SAMMSON: variants seen among roughly 807,000 people sequenced by gnomAD.
The protein encoded by SAMMSON is survival associated mitochondrial melanoma specific oncogenic non-coding RNA.
chr3:70,140,373 G>C (rs578060983), intron 4 of SAMMSON: 2 of 209,302 alleles, frequency 9.6e-6, no homozygotes, highest in East Asian at 2.3e-4. Flanking sequence ...CTAGAGCTCT[G>C]TGATGAGTGT....
chr3:70,272,330 A>G (rs990664856), intron 6 of SAMMSON: 2 of 152,154 alleles, frequency 1.3e-5, no homozygotes, highest in Non-Finnish European at 1.5e-5. Flanking sequence ...TTCTGCTACT[A>G]TAGATTAAAT....
intron 2 of SAMMSON, among the ~76,000 whole-genome samples, chr3:70,427,737 CAAAA>C (rs34837077): frequency 9.7e-6 from 1 of 102,918 alleles, no homozygotes. Context: ...AACTCCGTCT[CAAAA>C]AAAAAAAAAA....
chr3:70,189,537 C>T (rs749089617), intron 4 of SAMMSON, among the ~76,000 whole-genome samples: 6 of 152,156 alleles, frequency 3.9e-5, no homozygotes, highest in Non-Finnish European at 8.8e-5. Flanking sequence ...GGGTTTTGCA[C>T]TTCGCCCAAC....
chr3:70,108,320 A>C (rs1164496556), intron 4 of SAMMSON, among the ~76,000 whole-genome samples: 1 of 151,782 alleles, frequency 6.6e-6, no homozygotes, highest in African/African-American at 2.4e-5. Context: ...TGAATTGCAG[A>C]AGGCTAGGTT....
intron 9 of SAMMSON, among the ~76,000 whole-genome samples, chr3:70,388,036 A>T (rs1252422241): frequency 6.6e-6 from 1 of 152,092 alleles, no homozygotes; most frequent in East Asian, 1.9e-4. Flanking sequence ...TGAAACAATG[A>T]TGTGATGAAC....
intron 3 of SAMMSON, among the ~76,000 whole-genome samples, chr3:70,020,166 C>T (rs955018749): frequency 7.2e-5 from 11 of 152,038 alleles, no homozygotes; most frequent in African/African-American, 2.7e-4. Flanking sequence ...TAGCCAAATC[C>T]CCACGTCAAT....
At chr3:70,147,534 AG>A (rs1195411693) in intron 4 of SAMMSON, among the ~76,000 whole-genome samples, 2 of 152,080 alleles carry the variant, frequency 1.3e-5, no homozygotes, top group African/African-American at 4.8e-5. Context: ...TTTTTTAAAA[AG>A]ATGAAGCAAT....
intron 4 of SAMMSON, among the ~76,000 whole-genome samples, chr3:70,224,724 T>A (rs1437585199): frequency 6.6e-6 from 1 of 152,104 alleles, no homozygotes; most frequent in Non-Finnish European, 1.5e-5. Flanking sequence ...TTGGTTTTTT[T>A]TTTAATTCAT....
intron 3 of SAMMSON, among the ~76,000 whole-genome samples, chr3:70,034,486 C>T (rs1259587914): frequency 2.0e-5 from 3 of 152,172 alleles, no homozygotes; most frequent in Non-Finnish European, 4.4e-5. Flanking sequence ...ATATACCCTC[C>T]AGCAGTTTGA....
intron 7 of SAMMSON, among the ~76,000 whole-genome samples, chr3:70,336,906 C>T (rs1045581526): frequency 6.8e-6 from 1 of 146,442 alleles, no homozygotes. Context: ...AGAGCTCCTA[C>T]CAGGGGTTCA....
Position 70,260,718 on chromosome 3 carries a change from T to C in SAMMSON, n.674+11048T>C, listed in dbSNP as rs1373159082. 2.0e-5 allele frequency among the ~76,000 whole-genome samples: 3 copies of C among 152,060 alleles called. No individual in the cohort carries two copies. In the East Asian group the frequency reaches 5.8e-4, roughly 29 times the overall value. ...CAGCACCTGGGATACCTATAACTTA[T>C]CCCTCCCCTTTCACTTTCAGATTTA... On this transcript the variant is annotated intron_variant and non_coding_transcript_variant, in intron 6 of 9. Coordinates refer to ENST00000642114, the Ensembl canonical transcript of SAMMSON.
chr3:70,117,372 A>C (rs562770182), intron 4 of SAMMSON, among the ~76,000 whole-genome samples: 1 of 152,244 alleles, frequency 6.6e-6, no homozygotes, highest in Non-Finnish European at 1.5e-5. Context: ...GAATGGAAAT[A>C]TGACATTCAT....
At position 70,318,611 on chromosome 3, in the gene SAMMSON, A is replaced by T. The variant is rs1009871508; in HGVS notation, n.739+27368A>T. 2.0e-5 allele frequency among the ~76,000 whole-genome samples: 3 copies of T among 151,876 alleles called. No homozygotes were observed. In the East Asian group the frequency reaches 5.8e-4, roughly 29 times the overall value. On this transcript the variant is annotated intron_variant and non_coding_transcript_variant, in intron 7 of 9. Transcript: ENST00000642114. ...AAAGTCACTTTCTGGCAACTCCAACATCTGGGTCTTCTATTGACTGCTTGT... is the reference window on the plus strand; with the variant it reads ...AAAGTCACTTTCTGGCAACTCCAACTTCTGGGTCTTCTATTGACTGCTTGT...
chr3:70,290,598 T>C (rs1325348760), intron 6 of SAMMSON, among the ~76,000 whole-genome samples: 2 of 152,148 alleles, frequency 1.3e-5, no homozygotes, highest in African/African-American at 4.8e-5. Flanking sequence ...CCAGTTCGAG[T>C]TTCCGGGCTG....
intron 3 of SAMMSON, among the ~76,000 whole-genome samples, chr3:70,025,476 C>T (rs1307829701): frequency 6.6e-6 from 1 of 152,146 alleles, no homozygotes; most frequent in African/African-American, 2.4e-5. Context: ...CTCCTGACCT[C>T]AGGTGATCCA....
intron 3 of SAMMSON, among the ~76,000 whole-genome samples, chr3:70,058,169 C>T (rs2067174765): frequency 6.6e-6 from 1 of 151,988 alleles, no homozygotes; most frequent in Non-Finnish European, 1.5e-5. Context: ...TAAATGTAGG[C>T]AGTTGAGGCT....
chr3:70,204,964 T>C (rs541204806), intron 4 of SAMMSON: 4 of 152,210 alleles, frequency 2.6e-5, no homozygotes, highest in Admixed American at 2.0e-4. Flanking sequence ...GATGCTTTTG[T>C]AGAGGCCTCT....
At chr3:70,422,434 TA>T (rs1035695381) in intron 2 of SAMMSON, among the ~76,000 whole-genome samples, 1 of 152,048 alleles carries the variant, frequency 6.6e-6, no homozygotes, top group Non-Finnish European at 1.5e-5. Context: ...GTCTCTGATT[TA>T]AAAAAATCTT....
chr3:70,353,978 A>T (rs1702812390), intron 7 of SAMMSON, among the ~76,000 whole-genome samples: 2 of 152,208 alleles, frequency 1.3e-5, no homozygotes, highest in Non-Finnish European at 1.5e-5. Flanking sequence ...GACTCCATGG[A>T]TATGATATTC....
Sources: gnomAD v4.1 joint callset for allele counts (sites outside exome capture counted in the v4.1 genomes callset) on GRCh38, gnomAD v4.1.1 for gene constraint, MANE v1.5 for transcripts, NCBI Gene and HGNC (gene_info 2026-07-23, HGNC 2026-07-21) for gene names.